Variants in MINK1 observed in about 807,000 individuals in gnomAD.
MINK1 encodes misshapen like kinase 1.
In MINK1, 46 loss-of-function variants were observed where a neutral mutation model predicts 178.4. That is an observed-to-expected ratio of 0.26 (90% CI 0.20 to 0.33). The LOEUF (loss-of-function observed/expected upper bound fraction) is 0.33. Among genes scored for constraint, MINK1 ranks in the 10% least tolerant of loss-of-function variants. The pLI, the probability that MINK1 is intolerant of heterozygous loss-of-function variation, is 1.00. For missense variants in MINK1, 1,366 were observed against 1,814.9 expected (o/e 0.75, Z 4.49); for synonymous variants, 797 against 709.7 (o/e 1.12, Z -1.96).
intron 5 of MINK1, 42 bp from the exon 6 acceptor site, chr17:4,884,870 C>A: frequency 6.4e-7 from 1 of 1,567,578 alleles, no homozygotes; most frequent in Non-Finnish European, 8.8e-7. Context: ...TTTCCTACCC[C>A]ATCCAACACC....
At chr17:4,834,704 G>A in intron 1 of MINK1, 3 of 517,618 alleles carry the variant, frequency 5.8e-6, no homozygotes, top group South Asian at 4.2e-5. Flanking sequence ...TCAGCCAGGT[G>A]GTGTTTTGAT....
chr17:4,866,418 G>C (rs1914970330), intron 1 of MINK1, among the ~76,000 whole-genome samples: 1 of 151,506 alleles, frequency 6.6e-6, no homozygotes, highest in Admixed American at 6.6e-5. Context: ...AGGGAGCCGA[G>C]ATCGCGCCAC....
intron 5 of MINK1, among the ~76,000 whole-genome samples, 164 bp from the exon 6 acceptor site, chr17:4,884,748 C>T (rs923380409): frequency 6.6e-6 from 1 of 152,202 alleles, no homozygotes; most frequent in East Asian, 1.9e-4. Context: ...TGAGGAAGCT[C>T]TCCAGGACAG....
Position 4,895,766 on chromosome 17 carries a change from G to C in MINK1, c.3298G>C (p.Glu1100Gln). ...GAACAAGATTCTGCACAATGACCCA[G>C]AAGTGGAGAAGAAGCAGGGCTGGAC... ...LRNKILHNDP[E>Q]VEKKQGWTTV... The change falls in exon 27 of 32, where the codon GAA becomes CAA. Residue 1100 changes from glutamate to glutamine, a missense_variant. Transcript: ENST00000355280. The surrounding 1 kb of genome is among the most constrained non-coding windows in gnomAD (Gnocchi z 4.3). The C allele has an allele frequency of 1.2e-6, 2 of 1,613,894 alleles. No individual in the cohort carries two copies. The highest frequency in any genetic ancestry group is 1.7e-6 in the Non-Finnish European group (2 of 1,179,838).
intron 1 of MINK1, among the ~76,000 whole-genome samples, chr17:4,853,498 C>T (rs958201691): frequency 1.3e-5 from 2 of 150,746 alleles, no homozygotes; most frequent in Non-Finnish European, 3.0e-5. Context: ...GTGGTTGTTG[C>T]TGTGTGCCAT....
intron 2 of MINK1, among the ~76,000 whole-genome samples, chr17:4,880,210 T>C (rs1439784408): frequency 3.3e-5 from 5 of 152,270 alleles, no homozygotes; most frequent in African/African-American, 1.2e-4. Flanking sequence ...TTGGCCATGA[T>C]GGCTCAGGAG....
intron 1 of MINK1, among the ~76,000 whole-genome samples, chr17:4,858,881 AAGGAGGGGTCTCTCCC>A (rs1251382799): frequency 1.3e-5 from 2 of 152,186 alleles, no homozygotes; most frequent in Admixed American, 6.5e-5. Flanking sequence ...GGAGCTAGGA[AAGGAGGGGTCTCTCCC>A]AGACTAGAGA....
Position 4,897,529 on chromosome 17 carries a change from T to G in MINK1, c.*242T>G. ...CCCAGCTTCTGGGGAGGGACACAGC[T>G]TCCCCTTCCCAGGAATTGAGTGGGC... On this transcript the variant is annotated 3_prime_UTR_variant, in exon 32 of 32. Coordinates refer to ENST00000355280, the MANE Select transcript of MINK1 (RefSeq NM_153827.5). The G allele has an allele frequency of 4.0e-6, 2 of 496,234 alleles. No homozygotes were observed. The highest frequency in any genetic ancestry group is 3.6e-6 in the Non-Finnish European group (1 of 276,412). The allele number at this position is 496,234 out of a possible 1,614,324, so 30.7% of individuals were successfully genotyped here.
chr17:4,891,786 GGCAGGCCACATGGAGGAAGAGT>G (rs1968845673), intron 16 of MINK1, 70 bp downstream of exon 16: 26 of 1,503,674 alleles, frequency 1.7e-5, no homozygotes, highest in Non-Finnish European at 2.2e-5. Flanking sequence ...GCAGTGAAGG[GGCAGGCCACATGGAGGAAGAGT>G]GCAGGGCGGG....
Position 4,838,498 on chromosome 17 carries a change from G to A in MINK1, c.57+4858G>A, listed in dbSNP as rs115789233. Among the ~76,000 whole-genome samples, 1,097 of 152,198 alleles carry A rather than the reference G, an allele frequency of 7.2e-3. 15 individuals are homozygous for A. The highest frequency in any genetic ancestry group is 0.025 in the African/African-American group (1,037 of 41,516). On this transcript the variant is annotated intron_variant, in intron 1 of 31. Coordinates refer to ENST00000355280, the MANE Select transcript of MINK1 (RefSeq NM_153827.5). The stretch of plus-strand genomic sequence containing the variant: ...TCACATCTGGCCTCCATTCCTTTCC[G>A]CATTGAACTGTGTGCCTAAGACAGG...
chr17:4,869,749 CT>C (rs199500045), intron 1 of MINK1, among the ~76,000 whole-genome samples: 2,300 of 130,666 alleles, frequency 0.018, 28 homozygotes, highest in East Asian at 0.064. Context: ...GGCAGCATCT[CT>C]TTTTTTTTTT....
rs1969667980 is a variant in MINK1 at position 4,897,436 on chromosome 17, CT to C, written c.*150del. ...CTGCTGGGAACGTGACCTCTGACCC[CT>C]GATGCTTTCGTGATCACGTGACCAT... On this transcript the variant is annotated 3_prime_UTR_variant, in exon 32 of 32. Coordinates refer to ENST00000355280, the MANE Select transcript of MINK1 (RefSeq NM_153827.5). 5 of 655,090 alleles carry C rather than the reference CT, an allele frequency of 7.6e-6. No homozygotes were observed. Among genetic ancestry groups the C allele is most frequent in the Non-Finnish European group, 1.3e-5 (5 of 380,736 alleles). 40.6% of individuals were successfully genotyped at this position (655,090 alleles called of 1,614,324 possible).
chr17:4,895,024 A>T lies in MINK1; in HGVS notation c.2918-51A>T, dbSNP rs1969305953. 6.3e-7 allele frequency: 1 copy of T among 1,590,608 alleles called. No homozygotes were observed. Among genetic ancestry groups the T allele is most frequent in the African/African-American group, 1.3e-5 (1 of 74,402 alleles). On this transcript the variant is annotated intron_variant, in intron 24 of 31. Coordinates refer to ENST00000355280, the MANE Select transcript of MINK1 (RefSeq NM_153827.5). The surrounding 1 kb of genome is among the most constrained non-coding windows in gnomAD (Gnocchi z 4.3). The stretch of plus-strand genomic sequence containing the variant: ...ATATAGGGGATGGAGGTAAAAAGAG[A>T]TGGGGTGAGAAGCTGCAGCCCCTCC...
At position 4,887,605 on chromosome 17, in the gene MINK1, T is replaced by G; in HGVS notation, c.1045T>G (p.Ser349Ala). ...CTCCATCATGAACGTGCCTGGAGAG[T>G]CGACTCTACGCCGGGAGTTTCTCCG... ...PSSIMNVPGE[S>A]TLRREFLRLQ... The change falls in exon 12 of 32, where the codon TCG becomes GCG. Residue 349 changes from serine (S) to alanine (A), a missense_variant. By Grantham distance (99) the Ser-to-Ala change is moderately conservative. Transcript: ENST00000355280. This position sits in a 1 kb window ranked among gnomAD's most constrained non-coding sequence, Gnocchi z 7.6. The G allele has an allele frequency of 6.4e-7, 1 of 1,553,626 alleles. No individual in the cohort carries two copies. The highest frequency in any genetic ancestry group is 8.7e-7 in the Non-Finnish European group (1 of 1,151,406).
intron 1 of MINK1, among the ~76,000 whole-genome samples, chr17:4,845,601 C>G (rs994669344): frequency 6.6e-6 from 1 of 151,978 alleles, no homozygotes; most frequent in Non-Finnish European, 1.5e-5. Flanking sequence ...GTTCATACTC[C>G]TGGACAGACC....
Position 4,895,214 on chromosome 17 carries a change from C to T in MINK1, c.3057C>T (p.Asn1019=), listed in dbSNP as rs778910795. 1.2e-6 allele frequency: 2 copies of T among 1,614,028 alleles called. No homozygotes were observed. The highest frequency in any genetic ancestry group is 8.5e-7 in the Non-Finnish European group (1 of 1,180,018). Residue 1019 remains asparagine (N), a synonymous_variant, in exon 25 of 32, where the codon AAC becomes AAT. Coordinates refer to ENST00000355280, the MANE Select transcript of MINK1 (RefSeq NM_153827.5). The surrounding 1 kb of genome is among the most constrained non-coding windows in gnomAD (Gnocchi z 4.3). ...TCCGGAAGTACAAGAAGCGATTCAA[C>T]TCCGAGATCCTCTGTGCAGCCCTTT... is the stretch of plus-strand genomic sequence containing the variant. The part of the protein sequence containing the change: ...PEIRKYKKRF[N]SEILCAALWG...
chr17:4,841,694 G>A (rs1910248789), intron 1 of MINK1, among the ~76,000 whole-genome samples: 1 of 152,084 alleles, frequency 6.6e-6, no homozygotes, highest in Non-Finnish European at 1.5e-5. Context: ...CTTGATCCCT[G>A]TAAAGATGCT....
intron 1 of MINK1, among the ~76,000 whole-genome samples, chr17:4,858,659 T>TA (rs1913590122): frequency 6.6e-6 from 1 of 151,948 alleles, no homozygotes; most frequent in South Asian, 2.1e-4. Context: ...GTATTTGTAA[T>TA]AGAGATGGGG....
In MINK1 at chr17:4,893,542, G is replaced by A. The variant is rs374727204; in HGVS notation, c.2509G>A (p.Glu837Lys). Reference protein sequence around the residue: ...SEEVESSEDDEEEGEGGPAEG... With the variant: ...SEEVESSEDDKEEGEGGPAEG... ...GGAGGTGGAAAGCAGTGAGGACGAC[G>A]AGGAGGAAGGCGAAGGCGGGCCAGC... The change falls in exon 21 of 32, where the codon GAG (glutamate) becomes AAG (lysine). Residue 837 changes from glutamate to lysine, a missense_variant. This residue lies in a region of MINK1 where 709 missense variants were observed against 692.3 expected (regional missense o/e 1.02). Transcript: ENST00000355280. 1.4e-5 allele frequency: 22 copies of A among 1,593,866 alleles called. No individual in the cohort carries two copies. In the South Asian group the frequency reaches 1.8e-4, roughly 13 times the overall value.
Sources: gnomAD v4.1 joint callset for allele counts (sites outside exome capture counted in the v4.1 genomes callset) on GRCh38, gnomAD v4.1.1 for gene constraint, gnomAD v4.1.1 regional missense constraint, Gnocchi (gnomAD v3.1) non-coding constraint, MANE v1.5 for transcripts, NCBI Gene and HGNC (gene_info 2026-07-23, HGNC 2026-07-21) for gene names.